The following CATSPERB variants were observed in gnomAD, a reference collection of about 807,000 sequenced individuals.
CATSPERB encodes the protein catsper channel auxiliary subunit beta.
CATSPERB carries 93 observed loss-of-function variants against 128.3 expected under a neutral mutation model. The observed-to-expected ratio is 0.72, with a 90% CI of 0.61 to 0.86. The LOEUF (loss-of-function observed/expected upper bound fraction) is 0.86. CATSPERB is among the 40% of genes least tolerant of loss of function. CATSPERB has a pLI of 0.00. For missense variants in CATSPERB, 1,153 were observed against 1,329.5 expected (o/e 0.87, Z 2.06); for synonymous variants, 381 against 448.8 (o/e 0.85, Z 1.91).
chr14:91,613,122 T>A (rs1019963940), intron 20 of CATSPERB, among the ~76,000 whole-genome samples: 1 of 152,156 alleles, frequency 6.6e-6, no homozygotes, highest in Admixed American at 6.5e-5. Flanking sequence ...GTTGTCATTA[T>A]GTGGGAGATA....
At chr14:91,715,580 T>C (rs1895925273) in intron 5 of CATSPERB, among the ~76,000 whole-genome samples, 1 of 150,812 alleles carries the variant, frequency 6.6e-6, no homozygotes, top group South Asian at 2.1e-4. Flanking sequence ...AAAAAGATAT[T>C]ATTGACTTTC....
Position 91,610,607 on chromosome 14 carries a change from G to A in CATSPERB, c.2471C>T (p.Thr824Ile). 3.1e-6 allele frequency: 5 copies of A among 1,613,192 alleles called. No homozygotes were observed. The South Asian group carries it at 5.5e-5, about 18-fold the overall frequency. ...TECFVTTMVP[T>I]LKSSCSYLRS... ...GAGATAACTACAGCTGCTTTTCAGT[G>A]TTGGCACCATTGTCGTAACAAAGCA... The change falls in exon 21 of 27, where the codon ACA becomes ATA. Residue 824 changes from threonine (T) to isoleucine (I), a missense_variant. Transcript: ENST00000256343.
intron 12 of CATSPERB, among the ~76,000 whole-genome samples, chr14:91,673,506 A>G (rs1208352480): frequency 6.6e-6 from 1 of 152,174 alleles, no homozygotes; most frequent in East Asian, 1.9e-4. Context: ...CAGGACCTAG[A>G]CTGAATCCCT....
At chr14:91,625,917 G>A (rs1894151250) in intron 17 of CATSPERB, among the ~76,000 whole-genome samples, 1 of 152,174 alleles carries the variant, frequency 6.6e-6, no homozygotes, top group Non-Finnish European at 1.5e-5. Context: ...TTGAGCCTAG[G>A]AGTTCAAGAC....
intron 22 of CATSPERB, chr14:91,604,823 G>T (rs1893669625): frequency 5.8e-6 from 9 of 1,546,780 alleles, no homozygotes; most frequent in Non-Finnish European, 8.0e-6. Flanking sequence ...GGCCTTCTGA[G>T]TCACACCATT....
intron 11 of CATSPERB, among the ~76,000 whole-genome samples, chr14:91,678,529 C>T (rs184191758): frequency 1.8e-3 from 267 of 152,268 alleles, no homozygotes; most frequent in Admixed American, 3.3e-3. Context: ...ATATCTGGCA[C>T]ACTACCAAGC....
At chr14:91,717,577 T>C (rs1177353316) in intron 5 of CATSPERB, among the ~76,000 whole-genome samples, 1 of 152,164 alleles carries the variant, frequency 6.6e-6, no homozygotes, top group Non-Finnish European at 1.5e-5. Flanking sequence ...TGAAATAACA[T>C]AGATAGAGTG....
chr14:91,712,454 G>T (rs2139770927), intron 5 of CATSPERB, among the ~76,000 whole-genome samples: 1 of 152,248 alleles, frequency 6.6e-6, no homozygotes, highest in Middle Eastern at 3.4e-3. Flanking sequence ...AGTAAGTAAT[G>T]GTAGTCATAG....
intron 20 of CATSPERB, among the ~76,000 whole-genome samples, chr14:91,611,328 G>A (rs753993631): frequency 5.5e-4 from 84 of 152,166 alleles, no homozygotes; most frequent in Non-Finnish European, 8.8e-4. Context: ...CCTGAGGACT[G>A]GCTGGGCACG....
chr14:91,694,044 GA>G (rs1895516435), intron 7 of CATSPERB, among the ~76,000 whole-genome samples: 1 of 151,994 alleles, frequency 6.6e-6, no homozygotes, highest in Admixed American at 6.6e-5. Flanking sequence ...CTTCCTTTGT[GA>G]AAATGGTATA....
chr14:91,668,418 G>A (rs1895026576), intron 14 of CATSPERB, among the ~76,000 whole-genome samples: 1 of 152,092 alleles, frequency 6.6e-6, no homozygotes, highest in Admixed American at 6.5e-5. Context: ...GCACCAATCA[G>A]CACTCTGTAA....
chr14:91,622,857 C>T (rs1316813360), intron 18 of CATSPERB, among the ~76,000 whole-genome samples: 1 of 151,354 alleles, frequency 6.6e-6, no homozygotes, highest in Admixed American at 6.6e-5. Context: ...GTCTACATGA[C>T]TCCAGCCAAC....
At chr14:91,675,206 C>T (rs1228459680) in intron 11 of CATSPERB, among the ~76,000 whole-genome samples, 4 of 152,198 alleles carry the variant, frequency 2.6e-5, no homozygotes, top group Admixed American at 6.5e-5. Context: ...CCTATTCATG[C>T]TACTGGATGG....
intron 22 of CATSPERB, among the ~76,000 whole-genome samples, chr14:91,607,471 C>G (rs572080848): frequency 1.3e-5 from 2 of 152,070 alleles, no homozygotes; most frequent in South Asian, 4.2e-4. Flanking sequence ...CTGTGAAGGC[C>G]ACGGGGTGGA....
At chr14:91,589,486 C>A in intron 24 of CATSPERB, 48 bp downstream of exon 24, 1 of 1,566,172 alleles carries the variant, frequency 6.4e-7, no homozygotes, top group East Asian at 2.3e-5. Context: ...AAACCAGTAA[C>A]AATATTACTT....
chr14:91,683,647 G>C (rs1052878380), intron 11 of CATSPERB, among the ~76,000 whole-genome samples: 2 of 152,066 alleles, frequency 1.3e-5, no homozygotes, highest in Admixed American at 6.6e-5. Flanking sequence ...GATGACACTA[G>C]CCTATGTTCC....
At chr14:91,667,056 G>A (rs1894996707) in intron 14 of CATSPERB, among the ~76,000 whole-genome samples, 1 of 152,240 alleles carries the variant, frequency 6.6e-6, no homozygotes, top group Non-Finnish European at 1.5e-5. Flanking sequence ...CCAGGGGCCA[G>A]CGCCCAGTTA....
intron 14 of CATSPERB, among the ~76,000 whole-genome samples, chr14:91,665,400 G>C (rs1438514079): frequency 6.6e-6 from 1 of 152,116 alleles, no homozygotes; most frequent in African/African-American, 2.4e-5. Context: ...TACTCAGTTG[G>C]AGAAATACAG....
At chr14:91,721,758 G>C (rs904853817) in intron 4 of CATSPERB, among the ~76,000 whole-genome samples, 5 of 151,700 alleles carry the variant, frequency 3.3e-5, no homozygotes. Flanking sequence ...GCTGAGGCAG[G>C]AGAATGGCGT....
Sources: gnomAD v4.1 joint callset for allele counts (sites outside exome capture counted in the v4.1 genomes callset) on GRCh38, gnomAD v4.1.1 for gene constraint, MANE v1.5 for transcripts, NCBI Gene and HGNC (gene_info 2026-07-23, HGNC 2026-07-21) for gene names.